The following KCNH7 variants were observed in gnomAD, a reference collection of about 807,000 sequenced individuals.
KCNH7 encodes potassium voltage-gated channel subfamily H member 7, also known as voltage-gated inwardly rectifying potassium channel KCNH7.
Under a neutral mutation model 120.8 loss-of-function variants are expected in KCNH7, and 49 were observed. That is an observed-to-expected ratio of 0.41 (90% CI 0.32 to 0.51). KCNH7 has a LOEUF of 0.51. Among genes scored for constraint, KCNH7 ranks in the 20% least tolerant of loss-of-function variants. The pLI, the probability that KCNH7 is intolerant of heterozygous loss-of-function variation, is 0.38. For synonymous variants in KCNH7, 547 were observed against 516.1 expected, an observed-to-expected ratio of 1.06 and a Z score of -0.81; for missense variants, 1,097 against 1,446.6, an observed-to-expected ratio of 0.76 and a Z score of 3.92.
At chr2:162,717,701 A>C (rs919294568) in intron 2 of KCNH7, among the ~76,000 whole-genome samples, 1 of 152,016 alleles carries the variant, frequency 6.6e-6, no homozygotes, top group Non-Finnish European at 1.5e-5. Flanking sequence ...ATTAGTCACC[A>C]CGTATTTATT....
chr2:162,539,415 C>A (rs556397583), intron 2 of KCNH7, among the ~76,000 whole-genome samples: 1 of 151,978 alleles, frequency 6.6e-6, no homozygotes, highest in Admixed American at 6.6e-5. Context: ...TATAAAAAAA[C>A]ATAAAAAGTG....
At position 162,378,984 on chromosome 2, in the gene KCNH7, T is replaced by C. The variant is rs751211970; in HGVS notation, c.3131+869A>G. Among the ~76,000 whole-genome samples the C allele has an allele frequency of 1.2e-3, 182 of 152,354 alleles. 6 individuals carry two copies. Among genetic ancestry groups the C allele is most frequent in the Middle Eastern group, 6.8e-3 (2 of 294 alleles). On this transcript the variant is annotated intron_variant, in intron 14 of 15. Coordinates refer to ENST00000332142, the MANE Select transcript of KCNH7 (RefSeq NM_033272.4). ...TGCATGAACATTGTGTAAGTCAGAATTGGGGTAGTGCAATCCTTTTACCAT... is the reference window on the plus strand; with the variant it reads ...TGCATGAACATTGTGTAAGTCAGAACTGGGGTAGTGCAATCCTTTTACCAT...
At chr2:162,435,660 A>T in intron 7 of KCNH7, 63 bp from the exon 8 acceptor site, 1 of 1,487,786 alleles carries the variant, frequency 6.7e-7, no homozygotes, top group Non-Finnish European at 9.0e-7. Context: ...CATTCATATG[A>T]AGCAAAGTGG....
intron 2 of KCNH7, among the ~76,000 whole-genome samples, chr2:162,739,620 G>A (rs1191620797): frequency 6.6e-6 from 1 of 152,104 alleles, no homozygotes; most frequent in Non-Finnish European, 1.5e-5. Flanking sequence ...TCCCTTAGAG[G>A]CTGGGACCTG....
intron 2 of KCNH7, among the ~76,000 whole-genome samples, chr2:162,552,414 CA>C (rs1021841205): frequency 2.6e-5 from 4 of 151,990 alleles, no homozygotes; most frequent in East Asian, 3.9e-4. Context: ...AAAATAAGAA[CA>C]AAAAAAGACA....
chr2:162,617,052 A>AT (rs1357125991), intron 2 of KCNH7, among the ~76,000 whole-genome samples: 3 of 152,124 alleles, frequency 2.0e-5, no homozygotes, highest in Non-Finnish European at 4.4e-5. Context: ...GAAAAGTAAA[A>AT]TTTAAGGTTG....
chr2:162,555,897 A>G (rs1692839812), intron 2 of KCNH7, among the ~76,000 whole-genome samples: 1 of 152,022 alleles, frequency 6.6e-6, no homozygotes, highest in Admixed American at 6.5e-5. Flanking sequence ...CTTATTTTGT[A>G]AATAAAGATG....
chr2:162,832,568 A>C (rs996282058), intron 2 of KCNH7, among the ~76,000 whole-genome samples: 4 of 151,938 alleles, frequency 2.6e-5, no homozygotes, highest in Non-Finnish European at 5.9e-5. Context: ...TTTTCCATTA[A>C]AAATAATTTT....
chr2:162,721,934 G>A (rs1687335824), intron 2 of KCNH7, among the ~76,000 whole-genome samples: 1 of 152,040 alleles, frequency 6.6e-6, no homozygotes. Context: ...AGAAACAGTA[G>A]AAGGTGATTA....
intron 9 of KCNH7, 50 bp downstream of exon 9, chr2:162,423,286 A>G: frequency 6.2e-7 from 1 of 1,612,550 alleles, no homozygotes; most frequent in Non-Finnish European, 8.5e-7. Context: ...CATTTTGGCT[A>G]TCACTATAAT....
intron 2 of KCNH7, among the ~76,000 whole-genome samples, chr2:162,565,893 T>C (rs13403935): frequency 0.62 from 94,829 of 151,818 alleles, 30,854 homozygotes; most frequent in African/African-American, 0.8. Context: ...ATTACTGACC[T>C]TTTGTTTTTT....
At position 162,835,627 on chromosome 2, in the gene KCNH7, TATAG is replaced by T. The variant is rs574003227; in HGVS notation, c.307+906_307+909del. Among the ~76,000 whole-genome samples, 67 of 151,896 alleles carry T rather than the reference TATAG, an allele frequency of 4.4e-4. 2 individuals are homozygous for T. The highest frequency in any genetic ancestry group is 1.6e-3 in the African/African-American group (65 of 41,398). ...CATTTTGTATAGATATATAGATATA[TATAG>T]ATATAGATTTATAGATATTCAGGAA... On this transcript the variant is annotated intron_variant, in intron 2 of 15. Coordinates refer to ENST00000332142, the MANE Select transcript of KCNH7 (RefSeq NM_033272.4).
chr2:162,417,236 G>A (rs55763630), intron 9 of KCNH7, among the ~76,000 whole-genome samples: 1 of 152,128 alleles, frequency 6.6e-6, no homozygotes, highest in East Asian at 1.9e-4. Flanking sequence ...GAAATGCTGA[G>A]TTATTCTAGC....
At chr2:162,789,092 G>T (rs946343456) in intron 2 of KCNH7, among the ~76,000 whole-genome samples, 7 of 151,402 alleles carry the variant, frequency 4.6e-5, no homozygotes, top group Admixed American at 3.9e-4. Context: ...AACAAAGACT[G>T]AGGGAGTTAA....
intron 2 of KCNH7, among the ~76,000 whole-genome samples, chr2:162,625,938 A>C (rs1470411673): frequency 6.6e-6 from 1 of 152,108 alleles, no homozygotes; most frequent in South Asian, 2.1e-4. Flanking sequence ...ATGTAAAAAA[A>C]ATTACATAAT....
At chr2:162,507,721 C>A (rs1690931425) in intron 5 of KCNH7, among the ~76,000 whole-genome samples, 1 of 151,576 alleles carries the variant, frequency 6.6e-6, no homozygotes, top group East Asian at 1.9e-4. Context: ...AAAGCAAGAA[C>A]TAGCTCATTT....
At chr2:162,753,031 ACCCTG>A (rs1688657292) in intron 2 of KCNH7, among the ~76,000 whole-genome samples, 1 of 127,766 alleles carries the variant, frequency 7.8e-6, no homozygotes, top group African/African-American at 3.4e-5. Context: ...AAGAAAAGAA[ACCCTG>A]ACTAATAATA....
chr2:162,380,113 C>T lies in KCNH7; in HGVS notation c.2963-92G>A, dbSNP rs569489817. The stretch of plus-strand genomic sequence containing the variant: ...ATCCACAAGACAAGCTGGAAAGGAT[C>T]GGAGTATAACCTGAGAGACAGAGAA... On this transcript the variant is annotated intron_variant, in intron 13 of 15. Coordinates refer to ENST00000332142, the MANE Select transcript of KCNH7 (RefSeq NM_033272.4). 1.7e-5 allele frequency: 25 copies of T among 1,451,422 alleles called. No individual in the cohort carries two copies. In the African/African-American group the frequency reaches 2.1e-4, roughly 12 times the overall value. 89.9% of individuals were successfully genotyped at this position (1,451,422 alleles called of 1,614,324 possible). A position where few individuals can be genotyped will look rare whatever the true frequency, so the allele number is the denominator to read the frequency against.
At chr2:162,790,053 TG>T (rs972278579) in intron 2 of KCNH7, among the ~76,000 whole-genome samples, 57 of 151,858 alleles carry the variant, frequency 3.8e-4, no homozygotes, top group African/African-American at 1.2e-3. Context: ...AAATAGGAGT[TG>T]TTTTTTTAAG....
Sources: allele counts gnomAD v4.1 joint callset (sites outside exome capture counted in the v4.1 genomes callset), GRCh38; gene constraint gnomAD v4.1.1; transcripts MANE v1.5; gene names NCBI Gene and HGNC (gene_info 2026-07-23, HGNC 2026-07-21).